The following RNGTT variants were observed in gnomAD, a reference collection of about 807,000 sequenced individuals.
RNGTT encodes mRNA-capping enzyme.
A neutral mutation model predicts 79.3 loss-of-function variants in RNGTT; 33 were observed. That is an observed-to-expected ratio of 0.42 (90% CI 0.32 to 0.56). The LOEUF (loss-of-function observed/expected upper bound fraction) is 0.56. RNGTT is among the 20% of genes least tolerant of loss of function. The pLI is 0.17. For missense variants in RNGTT, 497 were observed against 739.1 expected (o/e 0.67, Z 3.80); for synonymous variants, 222 against 235.9 (o/e 0.94, Z 0.54).
intron 13 of RNGTT, among the ~76,000 whole-genome samples, chr6:88,758,391 A>G (rs1281542345): frequency 6.6e-6 from 1 of 152,248 alleles, no homozygotes; most frequent in East Asian, 1.9e-4. Context: ...AGAAGGGGAT[A>G]GTCAAGTACA....
intron 2 of RNGTT, among the ~76,000 whole-genome samples, chr6:88,938,156 G>T (rs906713484): frequency 1.3e-5 from 2 of 152,122 alleles, no homozygotes; most frequent in African/African-American, 4.8e-5. Flanking sequence ...TATTATACGG[G>T]AGACTGTATC....
intron 14 of RNGTT, among the ~76,000 whole-genome samples, chr6:88,660,101 T>C (rs576839656): frequency 1.1e-4 from 16 of 152,318 alleles, no homozygotes; most frequent in African/African-American, 3.8e-4. Context: ...AAACAAATGC[T>C]GAGATAATTT....
At chr6:88,963,205 C>T in intron 1 of RNGTT, 141 bp downstream of exon 1, 3 of 771,962 alleles carry the variant, frequency 3.9e-6, no homozygotes, top group African/African-American at 1.8e-5. Context: ...CATTCATCCA[C>T]GAAGCGTAAT....
chr6:88,746,153 A>G (rs1777651546), intron 13 of RNGTT, among the ~76,000 whole-genome samples: 1 of 152,192 alleles, frequency 6.6e-6, no homozygotes, highest in South Asian at 2.1e-4. Flanking sequence ...CCGGTATTCT[A>G]TGGCAAATTT....
intron 13 of RNGTT, among the ~76,000 whole-genome samples, chr6:88,695,088 T>C (rs1775615007): frequency 6.6e-6 from 1 of 152,072 alleles, no homozygotes; most frequent in Non-Finnish European, 1.5e-5. Context: ...GATCAAAAAC[T>C]ACATAACATT....
chr6:88,752,898 A>T (rs1443763950), intron 13 of RNGTT, among the ~76,000 whole-genome samples: 2 of 152,146 alleles, frequency 1.3e-5, no homozygotes, highest in Admixed American at 6.5e-5. Context: ...CAAAAATTTT[A>T]AAAAATAAAA....
chr6:88,810,157 A>G (rs1780091558), intron 11 of RNGTT, among the ~76,000 whole-genome samples: 1 of 152,226 alleles, frequency 6.6e-6, no homozygotes, highest in Admixed American at 6.5e-5. Context: ...GAGAACTGTA[A>G]AGAATTTCAT....
At chr6:88,856,142 C>A (rs1043783795) in intron 8 of RNGTT, among the ~76,000 whole-genome samples, 1 of 152,072 alleles carries the variant, frequency 6.6e-6, no homozygotes, top group African/African-American at 2.4e-5. Flanking sequence ...ATAAATAAAT[C>A]TGTTCATCTT....
chr6:88,785,293 A>G (rs560263572), intron 12 of RNGTT, among the ~76,000 whole-genome samples: 2 of 152,160 alleles, frequency 1.3e-5, no homozygotes, highest in South Asian at 4.1e-4. Context: ...ATCATTAGCA[A>G]TTCCTTTTAG....
intron 8 of RNGTT, among the ~76,000 whole-genome samples, chr6:88,856,300 G>A (rs1473126026): frequency 6.6e-6 from 1 of 152,120 alleles, no homozygotes. Flanking sequence ...TTATGATCAT[G>A]TAATAATGAT....
chr6:88,922,896 A>G (rs888257388), intron 4 of RNGTT, among the ~76,000 whole-genome samples: 1 of 152,184 alleles, frequency 6.6e-6, no homozygotes, highest in African/African-American at 2.4e-5. Flanking sequence ...TTTAAATGCA[A>G]TCAATATGAT....
At chr6:88,817,220 C>T (rs1176215840) in intron 11 of RNGTT, among the ~76,000 whole-genome samples, 2 of 152,130 alleles carry the variant, frequency 1.3e-5, no homozygotes, top group Non-Finnish European at 2.9e-5. Flanking sequence ...GCAAGGTATT[C>T]AGAACCTCTT....
chr6:88,881,638 A>G (rs915702242), intron 8 of RNGTT, among the ~76,000 whole-genome samples: 5 of 152,174 alleles, frequency 3.3e-5, no homozygotes, highest in Non-Finnish European at 7.4e-5. Flanking sequence ...GCAGGCAGAC[A>G]CTGACAGATA....
intron 12 of RNGTT, among the ~76,000 whole-genome samples, chr6:88,787,666 A>G (rs1276423603): frequency 1.1e-5 from 1 of 91,742 alleles, no homozygotes; most frequent in East Asian, 2.4e-4. Context: ...TTTCAAAAAC[A>G]AAAAAAAAAA....
chr6:88,905,098 G>T (rs988777209), intron 5 of RNGTT, 143 bp from the exon 6 acceptor site: 4 of 996,944 alleles, frequency 4.0e-6, no homozygotes, highest in African/African-American at 3.2e-5. Context: ...TCACCCTCAA[G>T]TCATTCAATC....
At position 88,904,952 on chromosome 6, in the gene RNGTT, G is replaced by C; in HGVS notation, c.447C>G (p.Ile149Met). 1 of 1,613,612 alleles carries C rather than the reference G, an allele frequency of 6.2e-7. No individual in the cohort carries two copies. Among genetic ancestry groups the C allele is most frequent in the Non-Finnish European group, 8.5e-7 (1 of 1,179,806 alleles). Reference protein sequence around the residue: ...AFLVEKMDWSIEAAVATFAQA... With the variant: ...AFLVEKMDWSMEAAVATFAQA... ...GGGCAAAAGTAGCAACTGCTGCTTC[G>C]ATACTATAGGAAACAAACACCATGC... The change falls in exon 6 of 16, where the codon ATC becomes ATG. Residue 149 changes from isoleucine to methionine, a missense_variant. Around this residue, in one of 3 missense-constraint regions of RNGTT, gnomAD observed 440 missense variants for 671.5 expected, o/e 0.66. Transcript: ENST00000369485.
At chr6:88,804,796 T>C (rs1379628308) in intron 11 of RNGTT, among the ~76,000 whole-genome samples, 4 of 152,170 alleles carry the variant, frequency 2.6e-5, no homozygotes, top group African/African-American at 9.7e-5. Flanking sequence ...AACTTTTAAG[T>C]CATTTAGCCA....
chr6:88,715,499 C>A (rs1379449538), intron 13 of RNGTT, among the ~76,000 whole-genome samples: 2 of 152,168 alleles, frequency 1.3e-5, no homozygotes, highest in African/African-American at 2.4e-5. Context: ...AAAGAGCCCG[C>A]ATTGCCAAGT....
intron 8 of RNGTT, among the ~76,000 whole-genome samples, chr6:88,877,433 G>A (rs372371165): frequency 2.6e-4 from 39 of 152,072 alleles, no homozygotes; most frequent in African/African-American, 7.2e-4. Context: ...ACAAGTAATC[G>A]GGGTGCTTTT....
Sources: allele counts gnomAD v4.1 joint callset (sites outside exome capture counted in the v4.1 genomes callset), GRCh38; gene constraint gnomAD v4.1.1; regional missense constraint gnomAD v4.1.1; transcripts MANE v1.5; gene names NCBI Gene and HGNC (gene_info 2026-07-23, HGNC 2026-07-21).